Variants in APOBEC3A observed in about 807,000 individuals in gnomAD.
The protein encoded by APOBEC3A is DNA dC->dU-editing enzyme APOBEC-3A.
In APOBEC3A, 13 loss-of-function variants were observed where a neutral mutation model predicts 23.0. The ratio of observed to expected loss-of-function variants is 0.57; its 90% CI spans 0.37 to 0.90. The LOEUF is 0.90. APOBEC3A is among the 40% of genes least tolerant of loss of function. The probability of loss-of-function intolerance (pLI) is 0.01; values close to 1 mark genes in which losing one functional copy is unlikely to be tolerated. For synonymous variants in APOBEC3A, 74 were observed against 101.3 expected (o/e 0.73, Z 1.62); for missense variants, 179 against 264.9 (o/e 0.68, Z 2.25).
In APOBEC3A at chr22:38,961,522, TG is replaced by T. The variant is rs1922881899; in HGVS notation, c.314del (p.Gly105AlafsTer16). 6.6e-7 allele frequency: 1 copy of T among 1,526,218 alleles called. No individual in the cohort carries two copies. The highest frequency in any genetic ancestry group is 9.0e-7 in the Non-Finnish European group (1 of 1,115,426). 94.5% of individuals were successfully genotyped at this position (1,526,218 alleles called of 1,614,324 possible). On this transcript the variant is annotated frameshift_variant, in exon 3 of 5. Transcript: ENST00000249116. LOFTEE classifies it high-confidence loss of function. ...CATCTCCTGGAGCCCCTGCTTCTCCTGGGGCTGTGCCGGGGAAGTGCGTGCG... is the reference window on the plus strand; with the variant it reads ...CATCTCCTGGAGCCCCTGCTTCTCCTGGGCTGTGCCGGGGAAGTGCGTGCG... ...WFISWSPCFS[W>X]GCAGEVRAFL...
rs746848561 is a variant in APOBEC3A at position 38,962,199 on chromosome 22, C to T, written c.571C>T (p.Arg191Trp). The change falls in exon 4 of 5, where the codon CGG (arginine) becomes TGG (tryptophan). Residue 191 changes from arginine to tryptophan, a missense_variant. Transcript: ENST00000249116. ...CAGCCAAGCCCTGAGTGGGAGGCTG[C>T]GGGCCATTCTCCAGGTGAGGGCTTC... ...EHSQALSGRL[R>W]AILQNQGN 64 of 1,613,460 alleles carry T rather than the reference C, an allele frequency of 4.0e-5. 2 individuals carry two copies. The highest frequency in any genetic ancestry group is 3.7e-4 in the South Asian group (34 of 91,068).
chr22:38,961,048 G>T (rs548965688), intron 2 of APOBEC3A, among the ~76,000 whole-genome samples: 1 of 150,268 alleles, frequency 6.7e-6, no homozygotes, highest in Admixed American at 6.6e-5. Context: ...ATTTTAAAAC[G>T]CAAATTTAAT....
chr22:38,958,078 G>T (rs1922650252), intron 1 of APOBEC3A, among the ~76,000 whole-genome samples: 1 of 152,174 alleles, frequency 6.6e-6, no homozygotes, highest in South Asian at 2.1e-4. Flanking sequence ...ATCTGGACTT[G>T]GCCTAAGCCC....
chr22:38,962,034 G>A, intron 3 of APOBEC3A, 64 bp from the exon 4 acceptor site: 1 of 1,558,078 alleles, frequency 6.4e-7, no homozygotes, highest in Non-Finnish European at 8.7e-7. Flanking sequence ...TGAGAGTCAT[G>A]GGCCCTAGGT....
intron 2 of APOBEC3A, among the ~76,000 whole-genome samples, chr22:38,960,256 A>T (rs542436529): frequency 1.3e-5 from 2 of 152,320 alleles, no homozygotes; most frequent in African/African-American, 4.8e-5. Context: ...GAGACCAGGT[A>T]ATGCTTGGCT....
At chr22:38,959,749 G>A (rs1178329992) in intron 2 of APOBEC3A, 63 bp downstream of exon 2, 1 of 1,576,044 alleles carries the variant, frequency 6.3e-7, no homozygotes, top group Admixed American at 1.8e-5. Flanking sequence ...TTCATAGGTA[G>A]AAGGTTCCGG....
rs1254686275 is a variant in APOBEC3A, at chr22:38,962,802, C to CA, written c.*299dup. 1.5e-6 allele frequency: 1 copy of CA among 671,650 alleles called. No individual in the cohort carries two copies. The highest frequency in any genetic ancestry group is 1.8e-5 in the African/African-American group (1 of 54,558). The allele number at this position is 671,650 out of a possible 1,614,324, so 41.6% of individuals were successfully genotyped here. A position where few individuals can be genotyped will look rare whatever the true frequency, so the allele number is the denominator to read the frequency against. On this transcript the variant is annotated 3_prime_UTR_variant, in exon 5 of 5. Transcript: ENST00000249116. ...TGAAACCCTGTCTCTACTAAAAATA[C>CA]AAAAAATTAGCCAGGCGTGGTGGCG... is the stretch of plus-strand genomic sequence containing the variant.
At chr22:38,960,281 T>G (rs1922821196) in intron 2 of APOBEC3A, among the ~76,000 whole-genome samples, 1 of 152,208 alleles carries the variant, frequency 6.6e-6, no homozygotes, top group African/African-American at 2.4e-5. Context: ...TGCTGGAAAC[T>G]GGGACCTTCT....
Position 38,962,957 on chromosome 22 carries a change from C to CA in APOBEC3A, c.*461dup, listed in dbSNP as rs60486763. ...TGGGCGACAGTACCAGACTCCATCTCAAAAAAAAAAAAACCAGACTGAATT... is the reference window on the plus strand; with the variant it reads ...TGGGCGACAGTACCAGACTCCATCTCAAAAAAAAAAAAAACCAGACTGAATT... On this transcript the variant is annotated 3_prime_UTR_variant, in exon 5 of 5. Coordinates refer to ENST00000249116, the MANE Select transcript of APOBEC3A (RefSeq NM_145699.4). The CA allele has an allele frequency of 0.14, 20,293 of 146,286 alleles. 2,437 individuals are homozygous for CA. Among genetic ancestry groups the CA allele is most frequent in the Admixed American group, 0.19 (2,759 of 14,156 alleles). 9.1% of individuals were successfully genotyped at this position (146,286 alleles called of 1,614,324 possible).
rs367569531 is a variant in APOBEC3A at position 38,962,195 on chromosome 22, G to T, written c.567G>T (p.Arg189Ser). Reference protein sequence around the residue: ...LDEHSQALSGRLRAILQNQGN With the variant: ...LDEHSQALSGSLRAILQNQGN ...AGCACAGCCAAGCCCTGAGTGGGAG[G>T]CTGCGGGCCATTCTCCAGGTGAGGG... The change falls in exon 4 of 5, where the codon AGG (arginine) becomes AGT (serine). Residue 189 changes from arginine to serine, a missense_variant. By Grantham distance (110) the Arg-to-Ser change is moderately radical (BLOSUM62 -1). Around this residue, in one of 5 missense-constraint regions of APOBEC3A, gnomAD observed 37 missense variants for 43.1 expected, o/e 0.86. Coordinates refer to ENST00000249116, the MANE Select transcript of APOBEC3A (RefSeq NM_145699.4). 8 of 1,613,546 alleles carry T rather than the reference G, an allele frequency of 5.0e-6. No homozygotes were observed. The African/African-American group carries it at 9.4e-5, about 19-fold the overall frequency.
intron 4 of APOBEC3A, 31 bp from the exon 5 acceptor site, chr22:38,962,464 C>A: frequency 6.3e-7 from 1 of 1,598,192 alleles, no homozygotes; most frequent in Non-Finnish European, 8.5e-7. Context: ...TCTCTCACCT[C>A]CTGCTCCATT....
intron 2 of APOBEC3A, among the ~76,000 whole-genome samples, chr22:38,961,178 T>C: frequency 6.8e-6 from 1 of 147,478 alleles, no homozygotes. Flanking sequence ...CTGTTTGTAT[T>C]TAAATGGGCA....
intron 4 of APOBEC3A, 108 bp downstream of exon 4, chr22:38,962,321 C>A: frequency 6.3e-7 from 1 of 1,586,354 alleles, no homozygotes; most frequent in Admixed American, 1.8e-5. Context: ...GTTCCCTGCT[C>A]CCCACAGGGC....
chr22:38,957,633 C>G lies in APOBEC3A; in HGVS notation c.-59C>G. ...TGTTGGTGAAGATCTTAACACCACGCCTTGAGCAAGTCGCAAGAGCGGGAG... is the reference window on the plus strand; with the variant it reads ...TGTTGGTGAAGATCTTAACACCACGGCTTGAGCAAGTCGCAAGAGCGGGAG... On this transcript the variant is annotated 5_prime_UTR_variant, in exon 1 of 5. Transcript: ENST00000249116. 1.3e-6 allele frequency: 2 copies of G among 1,596,530 alleles called. No individual in the cohort carries two copies. Among genetic ancestry groups the G allele is most frequent in the Middle Eastern group, 1.7e-4 (1 of 6,034 alleles).
In APOBEC3A at chr22:38,962,764, C is replaced by T. The variant is rs1162437936; in HGVS notation, c.*255C>T. 3.8e-5 allele frequency: 34 copies of T among 888,098 alleles called. 2 individuals are homozygous for T. Among genetic ancestry groups the T allele is most frequent in the Non-Finnish European group, 5.5e-5 (34 of 619,562 alleles). The allele number at this position is 888,098 out of a possible 1,614,324, so 55.0% of individuals were successfully genotyped here. A position where few individuals can be genotyped will look rare whatever the true frequency, so the allele number is the denominator to read the frequency against. On this transcript the variant is annotated 3_prime_UTR_variant, in exon 5 of 5. Transcript: ENST00000249116. ...ACGAGGTCAGGAGATCGAGACCATCCTGGCTAACACGGTGAAACCCTGTCT... is the reference window on the plus strand; with the variant it reads ...ACGAGGTCAGGAGATCGAGACCATCTTGGCTAACACGGTGAAACCCTGTCT...
rs1922872266 is a variant in APOBEC3A at position 38,961,404 on chromosome 22, T to C, written c.192T>C (p.Cys64=). The C allele has an allele frequency of 7.8e-7, 1 of 1,287,482 alleles. No individual in the cohort carries two copies. The highest frequency in any genetic ancestry group is 1.1e-6 in the Non-Finnish European group (1 of 912,864). The allele number at this position is 1,287,482 out of a possible 1,614,324, so 79.8% of individuals were successfully genotyped here. ...FLHNQAKNLL[C]GFYGRHAELR... ...TTTTCTAGGCTAAGAATCTTCTCTGTGGCTTTTACGGCCGCCATGCGGAGC... is the reference window on the plus strand; with the variant it reads ...TTTTCTAGGCTAAGAATCTTCTCTGCGGCTTTTACGGCCGCCATGCGGAGC... Residue 64 remains cysteine (C), a synonymous_variant, in exon 3 of 5, where the codon TGT becomes TGC. Transcript: ENST00000249116.
Position 38,959,686 on chromosome 22 carries a change from G to T in APOBEC3A, c.174G>T (p.Gln58His). The T allele has an allele frequency of 6.2e-7, 1 of 1,613,012 alleles. No homozygotes were observed. Among genetic ancestry groups the T allele is most frequent in the Non-Finnish European group, 8.5e-7 (1 of 1,179,496 alleles). The change falls in exon 2 of 5, where the codon CAG becomes CAT. Residue 58 changes from glutamine (Q) to histidine (H), a missense_variant and splice_region_variant. Physicochemically the swap from Gln to His is conservative, Grantham distance 24 (BLOSUM62 0). Around this residue, in one of 5 missense-constraint regions of APOBEC3A, gnomAD observed 87 missense variants for 74.5 expected, o/e 1.17. Transcript: ENST00000249116. ...MDQHRGFLHN[Q>H]AKNLLCGFYG... ...AGCACAGGGGCTTTCTACACAACCAGGTGACCGACCCAGCCATCCGAATCC... is the reference window on the plus strand; with the variant it reads ...AGCACAGGGGCTTTCTACACAACCATGTGACCGACCCAGCCATCCGAATCC...
intron 1 of APOBEC3A, among the ~76,000 whole-genome samples, chr22:38,958,901 C>T (rs960833641): frequency 1.4e-5 from 2 of 145,688 alleles, no homozygotes; most frequent in Non-Finnish European, 3.0e-5. Flanking sequence ...AGAGATTTTT[C>T]TAATTCTGAT....
rs1922990480 is a variant in APOBEC3A at position 38,963,131 on chromosome 22, A to G, written c.*622A>G. On this transcript the variant is annotated 3_prime_UTR_variant, in exon 5 of 5. Coordinates refer to ENST00000249116, the MANE Select transcript of APOBEC3A (RefSeq NM_145699.4). ...AACACAAAATTAAGAATCTTCCATA[A>G]TTGCTTTTGCTCAGTAACTGTGTCA... 2 of 153,016 alleles carry G rather than the reference A, an allele frequency of 1.3e-5. 1 individual carries two copies. The highest frequency in any genetic ancestry group is 1.3e-4 in the Admixed American group (2 of 15,342). 9.5% of individuals were successfully genotyped at this position (153,016 alleles called of 1,614,324 possible).
Sources: allele counts gnomAD v4.1 joint callset (sites outside exome capture counted in the v4.1 genomes callset), GRCh38; gene constraint gnomAD v4.1.1; regional missense constraint gnomAD v4.1.1; transcripts MANE v1.5; gene names NCBI Gene and HGNC (gene_info 2026-07-23, HGNC 2026-07-21).